Variants in ABCA12 observed in about 807,000 individuals in gnomAD.
ABCA12 encodes glucosylceramide transporter ABCA12.
In ABCA12, 156 loss-of-function variants were observed where a neutral mutation model predicts 293.5. That is an observed-to-expected ratio of 0.53 (90% CI 0.47 to 0.61). The LOEUF (loss-of-function observed/expected upper bound fraction) is 0.61. ABCA12 is among the 20% of genes least tolerant of loss of function. The pLI, the probability that ABCA12 is intolerant of heterozygous loss-of-function variation, is 0.00. For missense variants in ABCA12, 2,797 were observed against 3,090.2 expected, an observed-to-expected ratio of 0.91 and a Z score of 2.25; for synonymous variants, 1,063 against 1,108.0, an observed-to-expected ratio of 0.96 and a Z score of 0.81.
At chr2:215,054,513 G>T in intron 4 of ABCA12, 60 bp downstream of exon 4, 2 of 1,368,724 alleles carry the variant, frequency 1.5e-6, no homozygotes, top group Non-Finnish European at 2.1e-6. Context: ...ACCTTTCAAA[G>T]ATTAGACCTT....
At chr2:215,119,734 T>TAAAAAAAAAAAAAAAAAAGA (rs386654995) in intron 1 of ABCA12, among the ~76,000 whole-genome samples, 4 of 75,524 alleles carry the variant, frequency 5.3e-5, no homozygotes, top group Non-Finnish European at 9.9e-5. Flanking sequence ...CATTAAAAAG[T>TAAAAAAAAAAAAAAAAAAGA]AAAAAAAAAA....
At chr2:215,043,484 T>C (rs1701142255) in intron 7 of ABCA12, among the ~76,000 whole-genome samples, 1 of 152,130 alleles carries the variant, frequency 6.6e-6, no homozygotes, top group Non-Finnish European at 1.5e-5. Context: ...CAGCACAATG[T>C]TTTTGCCAGT....
chr2:214,970,536 C>G, intron 36 of ABCA12, 136 bp from the exon 37 acceptor site: 1 of 943,042 alleles, frequency 1.1e-6, no homozygotes, highest in African/African-American at 1.7e-5. Context: ...TCCTTTGACT[C>G]TAAAGAGCTT....
At chr2:215,043,594 T>A (rs1200906352) in intron 7 of ABCA12, among the ~76,000 whole-genome samples, 1 of 150,832 alleles carries the variant, frequency 6.6e-6, no homozygotes, top group Non-Finnish European at 1.5e-5. Context: ...GTTGTTGTTG[T>A]TGATTTTTTA....
intron 16 of ABCA12, 114 bp downstream of exon 16, chr2:215,011,857 T>A: frequency 8.2e-7 from 1 of 1,219,204 alleles, no homozygotes; most frequent in Non-Finnish European, 1.2e-6. Context: ...AGTTTTCTTG[T>A]AGGTGTTGTT....
rs145608321 is a variant in ABCA12, at chr2:215,004,279, A to C, written c.2613T>G (p.Phe871Leu). The change falls in exon 20 of 53, where the codon TTT (phenylalanine) becomes TTG (leucine). Residue 871 changes from phenylalanine (F) to leucine (L), a missense_variant. By Grantham distance (22) the Phe-to-Leu change is conservative. This residue lies in a region of ABCA12 where 2,130 missense variants were observed against 2,427.0 expected (regional missense o/e 0.88). Transcript: ENST00000272895. Reference protein sequence around the residue: ...PMLQNTLRNPFVQVFVKFSVG... With the variant: ...PMLQNTLRNPLVQVFVKFSVG... ...CGGAGAACTTTACAAAAACTTGCAC[A>C]AAAGGGTTCCTTAGAGTATTCTAAC... The C allele has an allele frequency of 5.0e-6, 8 of 1,613,178 alleles. No individual in the cohort carries two copies. The highest frequency in any genetic ancestry group is 1.3e-5 in the African/African-American group (1 of 74,938).
chr2:214,967,336 G>C (rs974535032), intron 38 of ABCA12, among the ~76,000 whole-genome samples: 24 of 152,060 alleles, frequency 1.6e-4, no homozygotes, highest in African/African-American at 5.8e-4. Flanking sequence ...TAATGGAATA[G>C]ACCAAGCTGG....
intron 1 of ABCA12, among the ~76,000 whole-genome samples, chr2:215,137,778 A>G (rs1035994219): frequency 1.3e-5 from 2 of 152,206 alleles, no homozygotes; most frequent in East Asian, 1.9e-4. Flanking sequence ...TTCAAATAAT[A>G]CTTTTCTTTC....
At chr2:214,997,333 C>G (rs1223040565) in intron 23 of ABCA12, among the ~76,000 whole-genome samples, 1 of 152,116 alleles carries the variant, frequency 6.6e-6, no homozygotes, top group African/African-American at 2.4e-5. Context: ...ATTTTAGTTA[C>G]CATGCCAACA....
intron 7 of ABCA12, among the ~76,000 whole-genome samples, chr2:215,039,323 A>G (rs924125810): frequency 6.6e-6 from 1 of 152,266 alleles, no homozygotes; most frequent in African/African-American, 2.4e-5. Context: ...CAATGAGACC[A>G]TAATGTTGTG....
rs544290238 is a variant in ABCA12, at chr2:215,007,243, G to A, written c.2592+484C>T. ...CTTAAACGTAAATTCAGATAAATAC[G>A]TTAACGAGAACACCTTGTGTATAAC... On this transcript the variant is annotated intron_variant, in intron 19 of 52. Transcript: ENST00000272895. Among the ~76,000 whole-genome samples, 22 of 152,132 alleles carry A rather than the reference G, an allele frequency of 1.4e-4. No individual in the cohort carries two copies. In the South Asian group the frequency reaches 3.7e-3, roughly 26 times the overall value.
chr2:214,950,909 G>T lies in ABCA12; in HGVS notation c.6822C>A (p.Asn2274Lys). 1 of 1,614,100 alleles carries T rather than the reference G, an allele frequency of 6.2e-7. No homozygotes were observed. Among genetic ancestry groups the T allele is most frequent in the Admixed American group, 1.7e-5 (1 of 60,012 alleles). ...CAGCAGGTATCCCAATGCTGATGTT[G>T]TTTACAGCTATAATCTTTTTGTGGA... ...QLIHKKIIAV[N>K]NISIGIPAGE... is the part of the protein sequence containing the mutation. The change falls in exon 45 of 53, where the codon AAC becomes AAA. Residue 2274 changes from asparagine (N) to lysine (K), a missense_variant. Coordinates refer to ENST00000272895, the MANE Select transcript of ABCA12 (RefSeq NM_173076.3).
At chr2:215,133,175 T>TTTTTTTTTTTTTTTTTTTTC (rs1703100199) in intron 1 of ABCA12, among the ~76,000 whole-genome samples, 1 of 123,696 alleles carries the variant, frequency 8.1e-6, no homozygotes, top group Non-Finnish European at 1.6e-5. Context: ...TTTTTTTTTT[T>TTTTTTTTTTTTTTTTTTTTC]TTTTTTTTTT....
intron 26 of ABCA12, 142 bp downstream of exon 26, chr2:214,989,187 C>CATATATATATATATGTATATAT (rs1699855294): frequency 3.6e-5 from 1 of 28,016 alleles, no homozygotes; most frequent in Non-Finnish European, 1.2e-4. Context: ...TCAATACATA[C>CATATATATATATATGTATATAT]ATATATATAT....
intron 1 of ABCA12, among the ~76,000 whole-genome samples, chr2:215,121,312 G>A (rs185557891): frequency 1.5e-3 from 236 of 152,316 alleles, no homozygotes; most frequent in Non-Finnish European, 2.7e-3. Context: ...TTGATTCTAT[G>A]AGAGCATTGA....
At chr2:214,938,065 C>A (rs1236157130) in intron 50 of ABCA12, among the ~76,000 whole-genome samples, 2 of 152,100 alleles carry the variant, frequency 1.3e-5, no homozygotes, top group Non-Finnish European at 2.9e-5. Context: ...ACCAACCCAT[C>A]ATCTACATTA....
chr2:214,974,910 T>A, intron 34 of ABCA12, 46 bp from the exon 35 acceptor site: 2 of 1,474,648 alleles, frequency 1.4e-6, no homozygotes, highest in South Asian at 1.1e-5. Context: ...TTTCTACTAG[T>A]CTCCCATATT....
chr2:215,093,807 A>T (rs1035563076), intron 2 of ABCA12, among the ~76,000 whole-genome samples: 3 of 152,094 alleles, frequency 2.0e-5, no homozygotes, highest in Non-Finnish European at 4.4e-5. Context: ...CCTGGCCCAG[A>T]CTTCAATCCG....
chr2:214,974,144 T>C, intron 35 of ABCA12, 102 bp from the exon 36 acceptor site: 2 of 1,025,666 alleles, frequency 1.9e-6, no homozygotes, highest in South Asian at 2.6e-5. Context: ...TTCATGTGTG[T>C]AGTCACAGAA....
Sources: allele counts gnomAD v4.1 joint callset (sites outside exome capture counted in the v4.1 genomes callset), GRCh38; gene constraint gnomAD v4.1.1; regional missense constraint gnomAD v4.1.1; transcripts MANE v1.5; gene names NCBI Gene and HGNC (gene_info 2026-07-23, HGNC 2026-07-21).